ROBO1: variants seen among roughly 807,000 people sequenced by gnomAD.
ROBO1 encodes the protein roundabout guidance receptor 1, also known as roundabout homolog 1.
In ROBO1, 149 loss-of-function variants were observed where a neutral mutation model predicts 195.9. The observed-to-expected ratio is 0.76, with a 90% CI of 0.67 to 0.87. The LOEUF is 0.87. Ranked by LOEUF, ROBO1 falls within the 40% of genes least tolerant of loss-of-function variation. The pLI is 0.00. For synonymous variants in ROBO1, 816 were observed against 733.2 expected, an observed-to-expected ratio of 1.11 and a Z score of -1.82; for missense variants, 1,933 against 2,068.3, an observed-to-expected ratio of 0.93 and a Z score of 1.27.
intron 1 of ROBO1, among the ~76,000 whole-genome samples, chr3:79,725,339 G>T (rs955878580): frequency 6.9e-6 from 1 of 144,878 alleles, no homozygotes; most frequent in Non-Finnish European, 1.5e-5. Context: ...CCATTCTCCT[G>T]CCTCAGCCTC....
At chr3:79,227,588 G>C (rs559355969) in intron 2 of ROBO1, among the ~76,000 whole-genome samples, 5 of 152,116 alleles carry the variant, frequency 3.3e-5, no homozygotes, top group Non-Finnish European at 5.9e-5. Context: ...TGGAGCTTAA[G>C]AGTCATCTCT....
chr3:79,636,007 TG>T lies in ROBO1; in HGVS notation c.-50-46047del, dbSNP rs1489171358. Among the ~76,000 whole-genome samples, 4 of 152,304 alleles carry T rather than the reference TG, an allele frequency of 2.6e-5. No homozygotes were observed. The East Asian group carries it at 7.7e-4, about 29-fold the overall frequency. On this transcript the variant is annotated intron_variant, in intron 1 of 30. Coordinates refer to ENST00000464233, the MANE Select transcript of ROBO1 (RefSeq NM_002941.4). ...TTACTTTTGCCACTTCTGTTACGTT[TG>T]TTATGCCAGTAGTCTTTCTCGCCAC...
intron 2 of ROBO1, among the ~76,000 whole-genome samples, chr3:79,340,758 A>C (rs530972295): frequency 6.6e-6 from 1 of 152,184 alleles, no homozygotes; most frequent in East Asian, 1.9e-4. Context: ...GATATAACCA[A>C]TTTTCATAAA....
intron 2 of ROBO1, among the ~76,000 whole-genome samples, chr3:79,507,334 G>T (rs6548622): frequency 3.3e-5 from 5 of 152,116 alleles, no homozygotes; most frequent in African/African-American, 9.6e-5. Flanking sequence ...ACAAACTATC[G>T]GGACCATTAG....
At chr3:79,758,009 C>T (rs537012208) in intron 1 of ROBO1, among the ~76,000 whole-genome samples, 2 of 152,320 alleles carry the variant, frequency 1.3e-5, no homozygotes, top group South Asian at 4.1e-4. Context: ...CTTTGCAGGA[C>T]ATGCTGAAAT....
intron 2 of ROBO1, among the ~76,000 whole-genome samples, chr3:79,309,329 G>A (rs955968338): frequency 6.6e-6 from 1 of 152,172 alleles, no homozygotes; most frequent in Non-Finnish European, 1.5e-5. Context: ...AGCACTTTGG[G>A]AGGCCAAGGT....
At chr3:78,913,478 T>C (rs2038371922) in intron 4 of ROBO1, among the ~76,000 whole-genome samples, 1 of 152,148 alleles carries the variant, frequency 6.6e-6, no homozygotes, top group Non-Finnish European at 1.5e-5. Flanking sequence ...TGAGAAATCA[T>C]TTATTTAAAA....
At chr3:78,898,550 G>A (rs2037395218) in intron 4 of ROBO1, among the ~76,000 whole-genome samples, 1 of 151,588 alleles carries the variant, frequency 6.6e-6, no homozygotes, top group Admixed American at 6.6e-5. Context: ...ACCATGCCCG[G>A]CTAATTTTTT....
chr3:79,701,072 G>C (rs998388151), intron 1 of ROBO1, among the ~76,000 whole-genome samples: 1 of 151,612 alleles, frequency 6.6e-6, no homozygotes, highest in Non-Finnish European at 1.5e-5. Context: ...ACCATTTATC[G>C]AATAGAGAGT....
At chr3:79,071,617 T>C (rs912569007) in intron 3 of ROBO1, among the ~76,000 whole-genome samples, 1 of 151,698 alleles carries the variant, frequency 6.6e-6, no homozygotes, top group African/African-American at 2.4e-5. Context: ...ATTGTGGTTA[T>C]TTTTTTAAAA....
chr3:79,219,066 C>T (rs2082096990), intron 2 of ROBO1, among the ~76,000 whole-genome samples: 1 of 151,930 alleles, frequency 6.6e-6, no homozygotes, highest in Non-Finnish European at 1.5e-5. Flanking sequence ...TAGCTTCTGA[C>T]TAATGTATGT....
At chr3:79,610,847 AC>A (rs1275589056) in intron 1 of ROBO1, among the ~76,000 whole-genome samples, 1 of 152,122 alleles carries the variant, frequency 6.6e-6, no homozygotes, top group Admixed American at 6.6e-5. Flanking sequence ...GAATTGTAAC[AC>A]AGGTATCATG....
chr3:79,357,795 C>T (rs2035615225), intron 2 of ROBO1, among the ~76,000 whole-genome samples: 1 of 152,110 alleles, frequency 6.6e-6, no homozygotes, highest in Non-Finnish European at 1.5e-5. Flanking sequence ...TAGCACTAAC[C>T]TTCTCTAGTT....
At chr3:79,210,962 A>G (rs969593280) in intron 2 of ROBO1, among the ~76,000 whole-genome samples, 1 of 152,266 alleles carries the variant, frequency 6.6e-6, no homozygotes, top group Non-Finnish European at 1.5e-5. Flanking sequence ...CTGGAATTAA[A>G]TTGTGCTTTA....
chr3:79,371,824 C>T (rs1327432328), intron 2 of ROBO1, among the ~76,000 whole-genome samples: 1 of 152,104 alleles, frequency 6.6e-6, no homozygotes, highest in Non-Finnish European at 1.5e-5. Context: ...GGGTGGTGCC[C>T]TCATCTGATA....
At chr3:78,975,984 C>T (rs1040614029) in intron 3 of ROBO1, among the ~76,000 whole-genome samples, 3 of 152,102 alleles carry the variant, frequency 2.0e-5, no homozygotes, top group East Asian at 1.9e-4. Context: ...TACAGCATAA[C>T]GTAAAAGTCA....
intron 2 of ROBO1, among the ~76,000 whole-genome samples, chr3:79,198,257 G>T (rs935324125): frequency 6.6e-6 from 1 of 151,968 alleles, no homozygotes; most frequent in Non-Finnish European, 1.5e-5. Flanking sequence ...TCTGCATATG[G>T]CTAGCTAGTT....
rs750625784 is a variant in ROBO1 at position 78,606,763 on chromosome 3, G to A, written c.4714C>T (p.Leu1572Phe). The A allele has an allele frequency of 6.2e-7, 1 of 1,613,816 alleles. No homozygotes were observed. Residue 1572 changes from leucine to phenylalanine, a missense_variant, in exon 29 of 31, where the codon CTT becomes TTT. Physicochemically the swap from Leu to Phe is conservative, Grantham distance 22. Coordinates refer to ENST00000464233, the MANE Select transcript of ROBO1 (RefSeq NM_002941.4). Reference sequence around the variant, plus strand: ...ATGAGATGAGTCTTTGCTGGTGGAAGGTCTCGTTTTGCTGCCTTGTTTCCA... The same window carrying A: ...ATGAGATGAGTCTTTGCTGGTGGAAAGTCTCGTTTTGCTGCCTTGTTTCCA... ...GRGNKAAKRD[L>F]PPAKTHLIQE...
intron 1 of ROBO1, among the ~76,000 whole-genome samples, chr3:79,655,163 T>C (rs549452635): frequency 1.2e-4 from 19 of 152,014 alleles, no homozygotes; most frequent in Non-Finnish European, 2.5e-4. Context: ...TTTAACACAT[T>C]TTAGAATCAA....
Sources: gnomAD v4.1 joint callset for allele counts (sites outside exome capture counted in the v4.1 genomes callset) on GRCh38, gnomAD v4.1.1 for gene constraint, MANE v1.5 for transcripts, NCBI Gene and HGNC (gene_info 2026-07-23, HGNC 2026-07-21) for gene names.